The following MYBPC1 variants were observed in gnomAD, a reference collection of about 807,000 sequenced individuals.
MYBPC1 encodes the protein myosin-binding protein C, slow-type.
MYBPC1 carries 52 observed loss-of-function variants against 147.1 expected under a neutral mutation model. The ratio of observed to expected loss-of-function variants is 0.35; its 90% CI spans 0.28 to 0.45. The LOEUF (loss-of-function observed/expected upper bound fraction) is 0.45. MYBPC1 is among the 20% of genes least tolerant of loss of function. The pLI is 1.00. For synonymous variants in MYBPC1, 477 were observed against 475.9 expected (o/e 1.00, Z -0.03); for missense variants, 1,228 against 1,440.3 (o/e 0.85, Z 2.39).
At position 101,659,734 on chromosome 12, in the gene MYBPC1, C is replaced by G; in HGVS notation, c.1830C>G (p.Val610=). The G allele has an allele frequency of 6.2e-7, 1 of 1,614,066 alleles. No homozygotes were observed. ...CTTACCCTGATAGCAGCACTCTGGT[C>G]ATTGATATAGCTGAAAGAGATGACT... The part of the protein sequence containing the change: ...TESYPDSSTL[V]IDIAERDDSG... The change falls in exon 19 of 32, where the codon GTC becomes GTG. Residue 610 remains valine, a synonymous_variant. Coordinates refer to ENST00000361466, the MANE Select transcript of MYBPC1 (RefSeq NM_002465.4).
intron 10 of MYBPC1, among the ~76,000 whole-genome samples, chr12:101,638,823 G>A (rs1401362990): frequency 1.3e-5 from 2 of 152,108 alleles, no homozygotes; most frequent in Non-Finnish European, 2.9e-5. Flanking sequence ...TTTATCCCCT[G>A]CTTAAGATTT....
At chr12:101,651,803 G>A (rs1894518883) in intron 16 of MYBPC1, among the ~76,000 whole-genome samples, 1 of 152,102 alleles carries the variant, frequency 6.6e-6, no homozygotes, top group Non-Finnish European at 1.5e-5. Context: ...AGCCAGGCGT[G>A]GTGGCATGCA....
chr12:101,682,142 GC>G (rs1326525130), intron 29 of MYBPC1, among the ~76,000 whole-genome samples: 5 of 151,830 alleles, frequency 3.3e-5, no homozygotes, highest in Non-Finnish European at 7.4e-5. Context: ...TAAACTGCTA[GC>G]CTTATTAGTT....
At chr12:101,603,368 C>A (rs1325307629) in intron 1 of MYBPC1, among the ~76,000 whole-genome samples, 1 of 151,090 alleles carries the variant, frequency 6.6e-6, no homozygotes, top group Non-Finnish European at 1.5e-5. Flanking sequence ...AAGAAGATTT[C>A]TCTCTCTTAT....
intron 26 of MYBPC1, among the ~76,000 whole-genome samples, chr12:101,675,648 C>A (rs1419648595): frequency 6.6e-6 from 1 of 152,230 alleles, no homozygotes; most frequent in African/African-American, 2.4e-5. Flanking sequence ...CACGTGACCA[C>A]AATCACTTGA....
chr12:101,643,567 A>G (rs1386597975), intron 11 of MYBPC1, among the ~76,000 whole-genome samples: 1 of 152,182 alleles, frequency 6.6e-6, no homozygotes, highest in Non-Finnish European at 1.5e-5. Flanking sequence ...TACCTAAACA[A>G]TAGTATAATA....
Position 101,652,525 on chromosome 12 carries a change from C to CCTCT in MYBPC1, c.1527-136_1527-133dup, listed in dbSNP as rs72257829. ...AAGTAGGATAATTAAGGCTTCTCATCCTCTCTCTCTCTCTCTCTCTTTCTC... is the reference window on the plus strand; with the variant it reads ...AAGTAGGATAATTAAGGCTTCTCATCCTCTCTCTCTCTCTCTCTCTCTCTTTCTC... On this transcript the variant is annotated intron_variant, in intron 16 of 31. Transcript: ENST00000361466. Among the ~76,000 whole-genome samples the CCTCT allele has an allele frequency of 8.3e-3, 1,239 of 149,434 alleles. 6 individuals are homozygous for CCTCT. The highest frequency in any genetic ancestry group is 0.012 in the Non-Finnish European group (808 of 67,176).
intron 8 of MYBPC1, among the ~76,000 whole-genome samples, chr12:101,633,598 A>G (rs1443417471): frequency 6.6e-6 from 1 of 151,634 alleles, no homozygotes; most frequent in Non-Finnish European, 1.5e-5. Flanking sequence ...GAGGCAGGAG[A>G]ATCGCTTGAA....
chr12:101,605,891 A>T (rs1313407420), intron 1 of MYBPC1, among the ~76,000 whole-genome samples: 1 of 151,866 alleles, frequency 6.6e-6, no homozygotes, highest in Non-Finnish European at 1.5e-5. Flanking sequence ...TAAAATTGAT[A>T]ACGTTTAAAA....
At chr12:101,614,696 A>G in intron 2 of MYBPC1, 165 bp downstream of exon 2, 1 of 715,044 alleles carries the variant, frequency 1.4e-6, no homozygotes, top group Non-Finnish European at 2.5e-6. Context: ...TAAAAATAAT[A>G]CACTGTGTTT....
intron 28 of MYBPC1, among the ~76,000 whole-genome samples, chr12:101,678,979 T>G (rs1900720066): frequency 6.6e-6 from 1 of 151,898 alleles, no homozygotes; most frequent in Non-Finnish European, 1.5e-5. Flanking sequence ...GGCAACATGG[T>G]CTCTACTAAA....
intron 29 of MYBPC1, among the ~76,000 whole-genome samples, chr12:101,681,700 C>T (rs113900513): frequency 0.047 from 6,622 of 141,830 alleles, 530 homozygotes; most frequent in African/African-American, 0.16. Context: ...CCTCTGCCTC[C>T]TGGGTTCAAG....
chr12:101,651,696 T>A (rs1565960572), intron 16 of MYBPC1, among the ~76,000 whole-genome samples: 1 of 152,148 alleles, frequency 6.6e-6, no homozygotes, highest in Non-Finnish European at 1.5e-5. Context: ...ATCCCAACAC[T>A]TTGGGACGCC....
At chr12:101,684,308 G>A (rs1465948533) in intron 30 of MYBPC1, 74 bp from the exon 31 acceptor site, 8 of 1,124,188 alleles carry the variant, frequency 7.1e-6, no homozygotes, top group African/African-American at 1.5e-5. Flanking sequence ...CATCCAACAA[G>A]TACTCAAGTT....
chr12:101,630,994 C>T (rs569307610), intron 6 of MYBPC1, among the ~76,000 whole-genome samples: 199 of 152,194 alleles, frequency 1.3e-3, no homozygotes, highest in Non-Finnish European at 2.5e-3. Flanking sequence ...TGTTCCTGTA[C>T]GACATTGAAA....
chr12:101,632,919 G>A (rs1565927563), intron 8 of MYBPC1, among the ~76,000 whole-genome samples: 1 of 152,114 alleles, frequency 6.6e-6, no homozygotes, highest in South Asian at 2.1e-4. Flanking sequence ...ATTTTTAGAA[G>A]AGACGGGATT....
chr12:101,651,392 A>G lies in MYBPC1; in HGVS notation c.1525A>G (p.Arg509Gly), dbSNP rs1479442376. ...CCGTCTAAAGGTGGTTCACAAGGGA[A>G]GGTAAGCGAGCCAGGTGACCCGCAA... Reference protein sequence around the residue: ...SDRLKVVHKGRIHKLVIANAL... With the variant: ...SDRLKVVHKGGIHKLVIANAL... The change falls in exon 16 of 32, where the codon AGG becomes GGG. Residue 509 changes from arginine to glycine, a missense_variant and splice_region_variant. Arg to Gly is a moderately radical substitution (Grantham distance 125). Around this residue, in one of 2 missense-constraint regions of MYBPC1, gnomAD observed 1,077 missense variants for 1,314.2 expected, o/e 0.82. Coordinates refer to ENST00000361466, the MANE Select transcript of MYBPC1 (RefSeq NM_002465.4). 6.2e-7 allele frequency: 1 copy of G among 1,614,028 alleles called. No homozygotes were observed. Among genetic ancestry groups the G allele is most frequent in the Admixed American group, 1.7e-5 (1 of 60,022 alleles).
intron 3 of MYBPC1, among the ~76,000 whole-genome samples, chr12:101,622,121 T>C (rs1183729919): frequency 1.3e-5 from 2 of 152,212 alleles, no homozygotes; most frequent in Non-Finnish European, 2.9e-5. Context: ...TATGTATTCA[T>C]CATCACCACG....
Position 101,649,254 on chromosome 12 carries a change from A to G in MYBPC1, c.1197-6A>G. On this transcript the variant is annotated splice_polypyrimidine_tract_variant and splice_region_variant and intron_variant, in intron 14 of 31. Coordinates refer to ENST00000361466, the MANE Select transcript of MYBPC1 (RefSeq NM_002465.4). Reference sequence around the variant, plus strand: ...CAAACCTTTTTAATATTTTATCTTAATTCAGGTTTAAGAATGGTGAAGAGA... The same window carrying G: ...CAAACCTTTTTAATATTTTATCTTAGTTCAGGTTTAAGAATGGTGAAGAGA... 1 of 1,611,748 alleles carries G rather than the reference A, an allele frequency of 6.2e-7. No individual in the cohort carries two copies. The highest frequency in any genetic ancestry group is 8.5e-7 in the Non-Finnish European group (1 of 1,177,980).
Sources: gnomAD v4.1 joint callset for allele counts (sites outside exome capture counted in the v4.1 genomes callset) on GRCh38, gnomAD v4.1.1 for gene constraint, gnomAD v4.1.1 regional missense constraint, MANE v1.5 for transcripts, NCBI Gene and HGNC (gene_info 2026-07-23, HGNC 2026-07-21) for gene names.